Variants in SH3PXD2B observed in about 807,000 individuals in gnomAD.
SH3PXD2B encodes SH3 and PX domains 2B.
In SH3PXD2B, 37 loss-of-function variants were observed where a neutral mutation model predicts 73.1. The ratio of observed to expected loss-of-function variants is 0.51; its 90% confidence interval spans 0.39 to 0.67. SH3PXD2B has a LOEUF of 0.67. Among genes scored for constraint, SH3PXD2B ranks in the 30% least tolerant of loss-of-function variants. SH3PXD2B has a pLI of 0.00. For synonymous variants in SH3PXD2B, 457 were observed against 480.5 expected (o/e 0.95, Z 0.64); for missense variants, 1,053 against 1,197.8 (o/e 0.88, Z 1.78).
rs577753401 is a variant in SH3PXD2B at position 172,370,348 on chromosome 5, ACT to A, written c.427+3440_427+3441del. Among the ~76,000 whole-genome samples, 537 of 152,196 alleles carry A rather than the reference ACT, an allele frequency of 3.5e-3. 2 individuals are homozygous for A. The highest frequency in any genetic ancestry group is 0.011 in the African/African-American group (462 of 41,530). On this transcript the variant is annotated intron_variant, in intron 6 of 12. Coordinates refer to ENST00000311601, the MANE Select transcript of SH3PXD2B (RefSeq NM_001017995.3). ...AGTTGCACCACATACAATTTTCAGG[ACT>A]CTGATGAATGCGCTGGGCGTTTCTG...
chr5:172,344,861 G>C (rs1167809906), intron 12 of SH3PXD2B, among the ~76,000 whole-genome samples: 1 of 152,090 alleles, frequency 6.6e-6, no homozygotes, highest in Admixed American at 6.6e-5. Flanking sequence ...AGCAAGGCCT[G>C]GGCCAGATGT....
At chr5:172,417,098 C>T (rs1282869233) in intron 2 of SH3PXD2B, among the ~76,000 whole-genome samples, 2 of 152,128 alleles carry the variant, frequency 1.3e-5, no homozygotes, top group Non-Finnish European at 2.9e-5. Flanking sequence ...GCCTGAATGT[C>T]CTGCCCCCGT....
In SH3PXD2B at chr5:172,366,666, C is replaced by A. The variant is rs193201789; in HGVS notation, c.428-3797G>T. 2.1e-3 allele frequency among the ~76,000 whole-genome samples: 317 copies of A among 151,926 alleles called. 1 individual carries two copies. The highest frequency in any genetic ancestry group is 7.3e-3 in the African/African-American group (301 of 41,440). On this transcript the variant is annotated intron_variant, in intron 6 of 12. Transcript: ENST00000311601. Reference sequence around the variant, plus strand: ...TTTATTTTTTTGAGACGAAGTCTTGCTCTGTTGCCAGGCTGAAGTGCAGCG... The same window carrying A: ...TTTATTTTTTTGAGACGAAGTCTTGATCTGTTGCCAGGCTGAAGTGCAGCG...
intron 6 of SH3PXD2B, among the ~76,000 whole-genome samples, chr5:172,366,992 A>AC: frequency 7.6e-6 from 1 of 131,942 alleles, no homozygotes; most frequent in African/African-American, 2.9e-5. Context: ...GCTGGAGTAC[A>AC]GTGGCACGAT....
At chr5:172,362,682 C>A in intron 7 of SH3PXD2B, 53 bp downstream of exon 7, 10 of 1,613,560 alleles carry the variant, frequency 6.2e-6, no homozygotes, top group Non-Finnish European at 8.5e-6. Flanking sequence ...TGTTTCATGT[C>A]CCAGGGGCTT....
At chr5:172,382,841 G>C (rs774299054) in intron 4 of SH3PXD2B, among the ~76,000 whole-genome samples, 4 of 151,838 alleles carry the variant, frequency 2.6e-5, no homozygotes, top group Non-Finnish European at 5.9e-5. Flanking sequence ...CGATTTTTGT[G>C]CCCTAGTCTC....
chr5:172,426,444 G>C (rs1581330588), intron 1 of SH3PXD2B, among the ~76,000 whole-genome samples: 1 of 152,250 alleles, frequency 6.6e-6, no homozygotes, highest in Non-Finnish European at 1.5e-5. Context: ...AGCTAACGGA[G>C]ATGGGGCCAA....
At chr5:172,405,334 C>T (rs1352086745) in intron 3 of SH3PXD2B, among the ~76,000 whole-genome samples, 1 of 152,240 alleles carries the variant, frequency 6.6e-6, no homozygotes, top group Non-Finnish European at 1.5e-5. Context: ...CTTCCGTTCA[C>T]TTTAGAAGAG....
intron 10 of SH3PXD2B, among the ~76,000 whole-genome samples, chr5:172,348,635 TATG>T (rs1328013260): frequency 6.0e-5 from 4 of 66,984 alleles, no homozygotes; most frequent in Admixed American, 1.5e-4. Flanking sequence ...TGTATCTATC[TATG>T]TATCTATCTA....
At chr5:172,372,804 T>C (rs11958871) in intron 6 of SH3PXD2B, among the ~76,000 whole-genome samples, 62,405 of 151,990 alleles carry the variant, frequency 0.41, 13,313 homozygotes, top group East Asian at 0.71. Flanking sequence ...CTGATCCTCA[T>C]CAACCCCTTC....
At chr5:172,386,266 A>G (rs1408305045) in intron 4 of SH3PXD2B, among the ~76,000 whole-genome samples, 2 of 152,204 alleles carry the variant, frequency 1.3e-5, no homozygotes, top group African/African-American at 4.8e-5. Flanking sequence ...TTTCCATCAT[A>G]TATTAGCTGC....
At chr5:172,413,047 A>G (rs7731297) in intron 2 of SH3PXD2B, among the ~76,000 whole-genome samples, 27,323 of 152,216 alleles carry the variant, frequency 0.18, 3,541 homozygotes, top group African/African-American at 0.37. Flanking sequence ...GCTGGCCACC[A>G]CACGTGGTTT....
chr5:172,363,428 C>G (rs956085511), intron 6 of SH3PXD2B, among the ~76,000 whole-genome samples: 3 of 152,018 alleles, frequency 2.0e-5, no homozygotes, highest in East Asian at 1.9e-4. Context: ...AATCTAGTCA[C>G]AGAGAGAGAC....
intron 1 of SH3PXD2B, among the ~76,000 whole-genome samples, chr5:172,448,753 A>AG (rs1166071333): frequency 3.3e-5 from 5 of 152,198 alleles, no homozygotes; most frequent in African/African-American, 9.7e-5. Context: ...GTAAAAACTA[A>AG]GGGGGGGCAT....
At chr5:172,442,535 C>G (rs1759571324) in intron 1 of SH3PXD2B, among the ~76,000 whole-genome samples, 1 of 152,072 alleles carries the variant, frequency 6.6e-6, no homozygotes, top group Non-Finnish European at 1.5e-5. Context: ...GTTTAAATTA[C>G]CATACTGCTG....
In SH3PXD2B at chr5:172,439,692, G is replaced by GCACACACACACGCGCGCACA. The variant is rs1759504986; in HGVS notation, c.75+14585_75+14586insTGTGCGCGCGTGTGTGTGTG. Among the ~76,000 whole-genome samples the GCACACACACACGCGCGCACA allele has an allele frequency of 4.3e-5, 6 of 138,626 alleles. No individual in the cohort carries two copies. The South Asian group carries it at 1.5e-3, about 34-fold the overall frequency. The allele number at this position is 138,626 out of a possible 152,430, so 90.9% of individuals were successfully genotyped here. On this transcript the variant is annotated intron_variant, in intron 1 of 12. Transcript: ENST00000311601. ...TGTGCGTGCGTGCGCGCACGCGCGC[G>GCACACACACACGCGCGCACA]CACACACACACACACACACACACAC...
intron 4 of SH3PXD2B, among the ~76,000 whole-genome samples, chr5:172,392,741 C>T (rs1006022029): frequency 7.9e-5 from 12 of 152,202 alleles, no homozygotes; most frequent in East Asian, 3.9e-4. Flanking sequence ...GCCGAGATGG[C>T]GCCACGGCAC....
Position 172,335,885 on chromosome 5 carries a change from G to C in SH3PXD2B, c.*2484C>G, listed in dbSNP as rs1756679277. Reference sequence around the variant, plus strand: ...GAGAGAACAGTGAACAGAGAGGACTGTGGCTTCAGTACCCGCGGGTCATGT... The same window carrying C: ...GAGAGAACAGTGAACAGAGAGGACTCTGGCTTCAGTACCCGCGGGTCATGT... On this transcript the variant is annotated 3_prime_UTR_variant, in exon 13 of 13. Transcript: ENST00000311601. The C allele has an allele frequency of 3.3e-6, 4 of 1,220,320 alleles. No homozygotes were observed. In the South Asian group the frequency reaches 1.3e-4, roughly 39 times the overall value. The allele number at this position is 1,220,320 out of a possible 1,614,324, so 75.6% of individuals were successfully genotyped here. A position where few individuals can be genotyped will look rare whatever the true frequency, so the allele number is the denominator to read the frequency against.
chr5:172,439,677 T>C (rs201128476), intron 1 of SH3PXD2B, among the ~76,000 whole-genome samples: 9,000 of 121,488 alleles, frequency 0.074, 342 homozygotes, highest in Non-Finnish European at 0.099. Context: ...TGTGCGTGCG[T>C]GCGCGCACGC....
Sources: allele counts gnomAD v4.1 joint callset (sites outside exome capture counted in the v4.1 genomes callset), GRCh38; gene constraint gnomAD v4.1.1; transcripts MANE v1.5; gene names NCBI Gene and HGNC (gene_info 2026-07-23, HGNC 2026-07-21).